The following SLC35F1 variants were observed in gnomAD, a reference collection of about 807,000 sequenced individuals.
The protein encoded by SLC35F1 is solute carrier family 35 member F1, also known as chromosome 6 open reading frame 169.
SLC35F1 carries 14 observed loss-of-function variants against 48.7 expected under a neutral mutation model. The observed-to-expected ratio is 0.29, with a 90% confidence interval of 0.19 to 0.45. The LOEUF (loss-of-function observed/expected upper bound fraction) is 0.45. Among genes scored for constraint, SLC35F1 ranks in the 20% least tolerant of loss-of-function variants. SLC35F1 has a pLI of 1.00. For synonymous variants in SLC35F1, 190 were observed against 202.2 expected (o/e 0.94, Z 0.51); for missense variants, 404 against 500.0 (o/e 0.81, Z 1.83).
intron 1 of SLC35F1, among the ~76,000 whole-genome samples, chr6:118,045,195 A>G (rs1446904077): frequency 6.6e-6 from 1 of 152,158 alleles, no homozygotes; most frequent in Non-Finnish European, 1.5e-5. Context: ...AAATTTTTGC[A>G]ATCTGGGGTT....
chr6:118,276,441 T>C (rs1371470182), intron 5 of SLC35F1, among the ~76,000 whole-genome samples: 1 of 152,226 alleles, frequency 6.6e-6, no homozygotes, highest in African/African-American at 2.4e-5. Context: ...TGAAATTATT[T>C]ATGGAAGATA....
chr6:118,154,715 T>G (rs1774114542), intron 2 of SLC35F1, 95 bp downstream of exon 2: 4 of 1,244,790 alleles, frequency 3.2e-6, no homozygotes, highest in Non-Finnish European at 4.4e-6. Flanking sequence ...TAAGCATCAG[T>G]TAAGATCATT....
At chr6:118,116,657 T>A (rs879688901) in intron 1 of SLC35F1, among the ~76,000 whole-genome samples, 5 of 152,304 alleles carry the variant, frequency 3.3e-5, no homozygotes, top group Admixed American at 3.3e-4. Context: ...GGAGTTTCAT[T>A]AGGCCCTGTT....
chr6:117,913,631 CAAAG>C (rs1775790141), intron 1 of SLC35F1, among the ~76,000 whole-genome samples: 2 of 151,968 alleles, frequency 1.3e-5, no homozygotes, highest in Admixed American at 1.3e-4. Context: ...CAAGAAATGT[CAAAG>C]AAAACAATAA....
chr6:117,928,342 G>A (rs1266881361), intron 1 of SLC35F1, among the ~76,000 whole-genome samples: 1 of 152,102 alleles, frequency 6.6e-6, no homozygotes, highest in Non-Finnish European at 1.5e-5. Flanking sequence ...AGCTTCCGCA[G>A]TCTGAATCAA....
At chr6:118,181,155 G>C (rs974180372) in intron 2 of SLC35F1, among the ~76,000 whole-genome samples, 1 of 152,090 alleles carries the variant, frequency 6.6e-6, no homozygotes, top group Admixed American at 6.6e-5. Flanking sequence ...AACTTCAAAT[G>C]ATGTACTTCA....
At chr6:118,149,656 C>G (rs1308444126) in intron 1 of SLC35F1, among the ~76,000 whole-genome samples, 1 of 152,152 alleles carries the variant, frequency 6.6e-6, no homozygotes, top group Non-Finnish European at 1.5e-5. Flanking sequence ...TTTTACATGT[C>G]GTGCTCATTA....
chr6:118,070,532 C>T (rs565003903), intron 1 of SLC35F1, among the ~76,000 whole-genome samples: 29 of 152,040 alleles, frequency 1.9e-4, no homozygotes, highest in East Asian at 3.9e-4. Flanking sequence ...ATGTATATAA[C>T]GTAATAATTG....
At chr6:117,920,524 A>G (rs1207208291) in intron 1 of SLC35F1, among the ~76,000 whole-genome samples, 1 of 152,082 alleles carries the variant, frequency 6.6e-6, no homozygotes, top group Non-Finnish European at 1.5e-5. Context: ...AAAAATGACC[A>G]CCACCCAGTG....
chr6:118,035,682 ATTTT>A (rs745704672), intron 1 of SLC35F1, among the ~76,000 whole-genome samples: 1 of 87,298 alleles, frequency 1.1e-5, no homozygotes, highest in African/African-American at 4.7e-5. Flanking sequence ...GGCTTTGTTA[ATTTT>A]TTTTTTTTTT....
intron 1 of SLC35F1, among the ~76,000 whole-genome samples, chr6:117,964,318 T>C (rs1357542186): frequency 6.6e-6 from 1 of 152,242 alleles, no homozygotes; most frequent in Non-Finnish European, 1.5e-5. Flanking sequence ...TTCTGGTTGC[T>C]TTGACTTATT....
At chr6:118,247,306 C>G (rs1775519906) in intron 3 of SLC35F1, among the ~76,000 whole-genome samples, 1 of 152,130 alleles carries the variant, frequency 6.6e-6, no homozygotes, top group Non-Finnish European at 1.5e-5. Flanking sequence ...CCAGGTAAGA[C>G]CAGTGCCAGT....
intron 1 of SLC35F1, among the ~76,000 whole-genome samples, chr6:118,037,453 T>C (rs1772150513): frequency 6.6e-6 from 1 of 152,218 alleles, no homozygotes; most frequent in Non-Finnish European, 1.5e-5. Context: ...GTTATTTAAA[T>C]ATGCTTTGGT....
At chr6:118,166,618 C>A (rs923560682) in intron 2 of SLC35F1, among the ~76,000 whole-genome samples, 7 of 151,250 alleles carry the variant, frequency 4.6e-5, no homozygotes, top group African/African-American at 1.7e-4. Flanking sequence ...TAAGTAACTT[C>A]TTTTCAACAG....
chr6:118,126,752 G>A (rs1215052184), intron 1 of SLC35F1, among the ~76,000 whole-genome samples: 5 of 151,502 alleles, frequency 3.3e-5, no homozygotes, highest in Non-Finnish European at 5.9e-5. Flanking sequence ...AATTGTGAAT[G>A]GGAGTTCACT....
intron 1 of SLC35F1, among the ~76,000 whole-genome samples, chr6:117,989,766 C>T (rs762318822): frequency 3.5e-4 from 53 of 151,962 alleles, no homozygotes; most frequent in Non-Finnish European, 6.6e-4. Flanking sequence ...TAAAGTAAAG[C>T]AATGACTGGT....
intron 2 of SLC35F1, among the ~76,000 whole-genome samples, chr6:118,176,731 G>A (rs549502032): frequency 1.3e-5 from 2 of 152,130 alleles, no homozygotes; most frequent in Admixed American, 1.3e-4. Flanking sequence ...TTGTGTGTTT[G>A]TTTTTCTTTT....
At chr6:118,274,392 TTTTATTTA>T (rs769259480) in intron 4 of SLC35F1, among the ~76,000 whole-genome samples, 5 of 152,204 alleles carry the variant, frequency 3.3e-5, no homozygotes, top group Admixed American at 2.6e-4. Context: ...TTGAGTTTAT[TTTTATTTA>T]TTTATTTATT....
At chr6:118,266,476 C>G (rs283092) in intron 3 of SLC35F1, among the ~76,000 whole-genome samples, 106 of 152,152 alleles carry the variant, frequency 7.0e-4, no homozygotes, top group African/African-American at 2.5e-3. Flanking sequence ...AAGAACAGAT[C>G]AATTTTTACT....
Sources: allele counts gnomAD v4.1 joint callset (sites outside exome capture counted in the v4.1 genomes callset), GRCh38; gene constraint gnomAD v4.1.1; transcripts MANE v1.5; gene names NCBI Gene and HGNC (gene_info 2026-07-23, HGNC 2026-07-21).